Variants in LRRC8D observed in about 807,000 individuals in gnomAD.
LRRC8D encodes volume-regulated anion channel subunit LRRC8D.
A neutral mutation model predicts 55.8 loss-of-function variants in LRRC8D; 20 were observed. The observed-to-expected ratio is 0.36, with a 90% CI of 0.25 to 0.52. LRRC8D has a LOEUF of 0.52. Among genes scored for constraint, LRRC8D ranks in the 20% least tolerant of loss-of-function variants. The pLI, the probability that LRRC8D is intolerant of heterozygous loss-of-function variation, is 0.93. For missense variants in LRRC8D, 651 were observed against 1,030.8 expected (o/e 0.63, Z 5.05); for synonymous variants, 352 against 377.0 (o/e 0.93, Z 0.77).
chr1:89,897,533 G>A (rs1400895959), intron 2 of LRRC8D, among the ~76,000 whole-genome samples: 1 of 152,148 alleles, frequency 6.6e-6, no homozygotes, highest in Non-Finnish European at 1.5e-5. Context: ...TTAAAAGCAT[G>A]ATACATATTG....
At chr1:89,913,404 T>G (rs572075410) in intron 2 of LRRC8D, among the ~76,000 whole-genome samples, 1 of 152,302 alleles carries the variant, frequency 6.6e-6, no homozygotes, top group South Asian at 2.1e-4. Context: ...AATGAGTGAT[T>G]AAAAAACATC....
intron 2 of LRRC8D, among the ~76,000 whole-genome samples, chr1:89,910,541 A>AT (rs1341669946): frequency 3.3e-5 from 5 of 151,928 alleles, no homozygotes; most frequent in East Asian, 1.9e-4. Context: ...CCTTCTAGTG[A>AT]TTTTTTTTAA....
At chr1:89,831,158 A>G (rs1220358578) in intron 1 of LRRC8D, among the ~76,000 whole-genome samples, 2 of 152,094 alleles carry the variant, frequency 1.3e-5, no homozygotes, top group African/African-American at 4.8e-5. Context: ...TGCCTGCCTC[A>G]GCCTCCCAAA....
intron 2 of LRRC8D, among the ~76,000 whole-genome samples, chr1:89,880,144 G>A (rs1448584380): frequency 6.6e-6 from 1 of 151,112 alleles, no homozygotes; most frequent in East Asian, 1.9e-4. Context: ...AATTGGTTGG[G>A]GCAAGGAGGA....
intron 2 of LRRC8D, among the ~76,000 whole-genome samples, chr1:89,928,301 C>T (rs1477912766): frequency 1.3e-5 from 2 of 152,100 alleles, no homozygotes; most frequent in African/African-American, 4.8e-5. Flanking sequence ...AAACTCCTGA[C>T]CTCAGGTGAT....
chr1:89,914,243 AC>A (rs1384664995), intron 2 of LRRC8D, among the ~76,000 whole-genome samples: 1 of 152,232 alleles, frequency 6.6e-6, no homozygotes, highest in Non-Finnish European at 1.5e-5. Flanking sequence ...GGGCTGGCCA[AC>A]TGCTCCGAGT....
chr1:89,891,924 T>C (rs551529709), intron 2 of LRRC8D, among the ~76,000 whole-genome samples: 186 of 152,324 alleles, frequency 1.2e-3, no homozygotes, highest in African/African-American at 4.4e-3. Context: ...TTAACAACTC[T>C]GGGTTCTCTC....
chr1:89,933,367 T>C lies in LRRC8D; in HGVS notation c.299T>C (p.Phe100Ser). 1 of 1,614,088 alleles carries C rather than the reference T, an allele frequency of 6.2e-7. No homozygotes were observed. The highest frequency in any genetic ancestry group is 8.5e-7 in the Non-Finnish European group (1 of 1,180,020). ...QDGRTTNDIS[F>S]GTSAVTPDIP... ...GGGCGGACAACAAACGACATTTCCT[T>C]TGGGACATCTGCTGTGACACCTGAC... The change falls in exon 3 of 3, where the codon TTT becomes TCT. Residue 100 changes from phenylalanine to serine, a missense_variant. Phe to Ser is a radical substitution (Grantham distance 155). Around this residue, in one of 5 missense-constraint regions of LRRC8D, gnomAD observed 118 missense variants for 138.0 expected, o/e 0.85. Transcript: ENST00000337338. This position sits in a 1 kb window ranked among gnomAD's most constrained non-coding sequence, Gnocchi z 7.0.
rs563864278 is a variant in LRRC8D, at chr1:89,935,097, A to T, written c.2029A>T (p.Ile677Phe). Residue 677 changes from isoleucine (I) to phenylalanine (F), a missense_variant, in exon 3 of 3, where the codon ATC (isoleucine) becomes TTC (phenylalanine). Coordinates refer to ENST00000337338, the MANE Select transcript of LRRC8D (RefSeq NM_001134479.2). The part of the protein sequence containing the change: ...SNNIRTIEEI[I>F]SFQHLKRLTC... ...TAACATTCGCACAATTGAGGAAATC[A>T]TCAGTTTCCAGCATTTAAAACGACT... The T allele has an allele frequency of 6.2e-7, 1 of 1,614,242 alleles. No individual in the cohort carries two copies. Among genetic ancestry groups the T allele is most frequent in the Admixed American group, 1.7e-5 (1 of 60,032 alleles).
At chr1:89,875,810 G>T (rs1662133799) in intron 2 of LRRC8D, among the ~76,000 whole-genome samples, 1 of 152,180 alleles carries the variant, frequency 6.6e-6, no homozygotes, top group African/African-American at 2.4e-5. Context: ...TCACAAGAAC[G>T]CTTTGTATAC....
intron 2 of LRRC8D, among the ~76,000 whole-genome samples, chr1:89,860,601 TAAAA>T (rs1043676090): frequency 1.3e-5 from 2 of 150,384 alleles, no homozygotes; most frequent in African/African-American, 4.9e-5. Flanking sequence ...CTACTAAAAA[TAAAA>T]AAATTAGCTG....
chr1:89,865,824 A>G (rs983704804), intron 2 of LRRC8D, among the ~76,000 whole-genome samples: 2 of 152,226 alleles, frequency 1.3e-5, no homozygotes, highest in African/African-American at 2.4e-5. Flanking sequence ...ATCTAATTCA[A>G]CTATTGGCAG....
chr1:89,863,652 CTG>C (rs751261047), intron 2 of LRRC8D, among the ~76,000 whole-genome samples: 38 of 130,694 alleles, frequency 2.9e-4, no homozygotes, highest in Non-Finnish European at 4.3e-4. Context: ...TTTCTGTGGT[CTG>C]TGTTATTTAG....
At chr1:89,851,749 A>G (rs540761840) in intron 2 of LRRC8D, among the ~76,000 whole-genome samples, 25 of 152,074 alleles carry the variant, frequency 1.6e-4, no homozygotes, top group Non-Finnish European at 2.1e-4. Flanking sequence ...AGCTCAGGCA[A>G]TCCACCTGCC....
At chr1:89,876,704 G>A (rs1440195831) in intron 2 of LRRC8D, among the ~76,000 whole-genome samples, 1 of 152,202 alleles carries the variant, frequency 6.6e-6, no homozygotes, top group Non-Finnish European at 1.5e-5. Context: ...AGTTTCTTTG[G>A]AACATAGCCA....
chr1:89,928,975 ATG>A, intron 2 of LRRC8D, among the ~76,000 whole-genome samples: 1 of 152,226 alleles, frequency 6.6e-6, no homozygotes, highest in Non-Finnish European at 1.5e-5. Flanking sequence ...CCATCTGTAG[ATG>A]TTAATAAATG....
chr1:89,882,965 T>C (rs771929739), intron 2 of LRRC8D, among the ~76,000 whole-genome samples: 1 of 152,150 alleles, frequency 6.6e-6, no homozygotes, highest in African/African-American at 2.4e-5. Context: ...CGAGGGCAGA[T>C]AGTGGATGGG....
rs1488756084 is a variant in LRRC8D at position 89,911,625 on chromosome 1, C to CTA, written c.-2-21442_-2-21441insTA. Among the ~76,000 whole-genome samples the CTA allele has an allele frequency of 6.6e-6, 1 of 152,060 alleles. No individual in the cohort carries two copies. The highest frequency in any genetic ancestry group is 1.5e-5 in the Non-Finnish European group (1 of 68,026). ...CTGCCTCCCCCGCTTGCTGTTGTAC[C>CTA]AGCCTTTTGTTTCATCCCCAGCTGA... On this transcript the variant is annotated intron_variant, in intron 2 of 2. Coordinates refer to ENST00000337338, the MANE Select transcript of LRRC8D (RefSeq NM_001134479.2). The surrounding 1 kb of genome is among the most constrained non-coding windows in gnomAD (Gnocchi z 4.0).
At chr1:89,853,878 G>A (rs1195723471) in intron 2 of LRRC8D, among the ~76,000 whole-genome samples, 1 of 152,290 alleles carries the variant, frequency 6.6e-6, no homozygotes, top group African/African-American at 2.4e-5. Flanking sequence ...GCAGGAGAGC[G>A]AGCAGATACA....
Sources: allele counts gnomAD v4.1 joint callset (sites outside exome capture counted in the v4.1 genomes callset), GRCh38; gene constraint gnomAD v4.1.1; regional missense constraint gnomAD v4.1.1; non-coding constraint Gnocchi (gnomAD v3.1); transcripts MANE v1.5; gene names NCBI Gene and HGNC (gene_info 2026-07-23, HGNC 2026-07-21).